The following C12orf42 variants were observed in gnomAD, a reference collection of about 807,000 sequenced individuals.
The protein encoded by C12orf42 is chromosome 12 open reading frame 42, also known as uncharacterized protein C12orf42.
C12orf42 carries 25 observed loss-of-function variants against 21.6 expected under a neutral mutation model. That is an observed-to-expected ratio of 1.16 (90% CI 0.84 to 1.62). The LOEUF is 1.62. Among genes scored for constraint, C12orf42 ranks in the 40% most tolerant of loss-of-function variants. The pLI is 0.00. For missense variants in C12orf42, 483 were observed against 459.3 expected, an observed-to-expected ratio of 1.05 and a Z score of -0.47; for synonymous variants, 174 against 175.0, an observed-to-expected ratio of 0.99 and a Z score of 0.05.
intron 5 of C12orf42, among the ~76,000 whole-genome samples, chr12:103,305,691 G>A (rs977406891): frequency 2.0e-5 from 3 of 152,166 alleles, no homozygotes; most frequent in African/African-American, 7.2e-5. Context: ...CATGGTGAAA[G>A]CTTAATAAGT....
chr12:103,372,460 T>A (rs1180045767), intron 3 of C12orf42, among the ~76,000 whole-genome samples: 1 of 152,068 alleles, frequency 6.6e-6, no homozygotes, highest in Non-Finnish European at 1.5e-5. Flanking sequence ...ATACAAATGA[T>A]CAACTTCTTA....
the C12orf42 span, among the ~76,000 whole-genome samples, chr12:103,506,925 TA>T: frequency 7.0e-5 from 1 of 14,214 alleles, no homozygotes; most frequent in African/African-American, 3.2e-4. Flanking sequence ...ATTTATATAT[TA>T]TATATATATT....
the C12orf42 span, among the ~76,000 whole-genome samples, chr12:103,197,304 C>T: frequency 6.6e-6 from 1 of 152,082 alleles, no homozygotes; most frequent in Middle Eastern, 3.2e-3. Flanking sequence ...TGATAGGGTT[C>T]CCTTGGTGGG....
In C12orf42 at chr12:103,481,101, A is replaced by G. The variant is rs543368599; in HGVS notation, c.-21-2654T>C. On this transcript the variant is annotated intron_variant, in intron 1 of 5. Coordinates refer to ENST00000548883, the MANE Select transcript of C12orf42 (RefSeq NM_198521.5). ...TAGAGTTATATCTTCTTAATAAATC[A>G]TTTTATTATATAGCTTTCTTCTTTA... Among the ~76,000 whole-genome samples the G allele has an allele frequency of 4.6e-5, 7 of 151,914 alleles. No homozygotes were observed. In the South Asian group the frequency reaches 1.4e-3, roughly 31 times the overall value.
chr12:103,062,533 T>C, the C12orf42 span, among the ~76,000 whole-genome samples: 1 of 152,122 alleles, frequency 6.6e-6, no homozygotes, highest in Non-Finnish European at 1.5e-5. Context: ...TTTTAAATAT[T>C]AGGTTGGTGC....
the C12orf42 span, among the ~76,000 whole-genome samples, chr12:103,163,268 T>G: frequency 2.6e-5 from 4 of 152,352 alleles, no homozygotes; most frequent in Middle Eastern, 3.4e-3. Context: ...AAATTGATCC[T>G]GCTTCATAGA....
the C12orf42 span, among the ~76,000 whole-genome samples, chr12:103,051,898 A>C: frequency 6.6e-6 from 1 of 152,118 alleles, no homozygotes; most frequent in Non-Finnish European, 1.5e-5. Context: ...CACTTATTAC[A>C]CTATGACAAA....
the C12orf42 span, among the ~76,000 whole-genome samples, chr12:103,509,099 A>G: frequency 2.6e-5 from 4 of 152,192 alleles, no homozygotes; most frequent in Non-Finnish European, 4.4e-5. Context: ...GTTCAAACCC[A>G]GTCCACCTGA....
chr12:103,058,068 G>T, the C12orf42 span, among the ~76,000 whole-genome samples: 2 of 150,720 alleles, frequency 1.3e-5, no homozygotes, highest in Admixed American at 6.6e-5. Context: ...CTATTCTCCT[G>T]CCTCAGCCTC....
chr12:103,311,393 A>G (rs2038960150), intron 4 of C12orf42, among the ~76,000 whole-genome samples: 1 of 152,046 alleles, frequency 6.6e-6, no homozygotes, highest in South Asian at 2.1e-4. Flanking sequence ...GACTAAGTTG[A>G]TCAGCTGATT....
intron 2 of C12orf42, among the ~76,000 whole-genome samples, chr12:103,448,406 G>T (rs1221435361): frequency 6.6e-6 from 1 of 151,748 alleles, no homozygotes; most frequent in Non-Finnish European, 1.5e-5. Context: ...GACCAAGAAC[G>T]CAAAAGCAAA....
chr12:103,424,343 A>C (rs1949622024), intron 2 of C12orf42, among the ~76,000 whole-genome samples: 1 of 152,264 alleles, frequency 6.6e-6, no homozygotes, highest in South Asian at 2.1e-4. Flanking sequence ...ATCAGCTAAT[A>C]AGAAAATTAC....
intron 1 of C12orf42, among the ~76,000 whole-genome samples, chr12:103,494,990 G>C (rs528353839): frequency 2.6e-5 from 4 of 152,026 alleles, no homozygotes; most frequent in Non-Finnish European, 4.4e-5. Flanking sequence ...GGGGTTGGGG[G>C]GATGTGAGAT....
intron 3 of C12orf42, among the ~76,000 whole-genome samples, chr12:103,388,107 A>G (rs2046766748): frequency 6.6e-6 from 1 of 152,144 alleles, no homozygotes; most frequent in Non-Finnish European, 1.5e-5. Flanking sequence ...TTAAGTGTGC[A>G]CCCTACTCTG....
At chr12:103,184,098 C>G in the C12orf42 span, among the ~76,000 whole-genome samples, 2 of 152,136 alleles carry the variant, frequency 1.3e-5, no homozygotes, top group Non-Finnish European at 2.9e-5. Context: ...GCTTCTATAA[C>G]CAAGCTTATT....
chr12:103,230,940 C>T, the C12orf42 span, among the ~76,000 whole-genome samples: 2 of 152,070 alleles, frequency 1.3e-5, no homozygotes, highest in East Asian at 3.9e-4. Context: ...AGGCTCTGCT[C>T]TAGCTATATC....
chr12:103,411,336 A>C (rs983301247), intron 2 of C12orf42, among the ~76,000 whole-genome samples: 6 of 152,246 alleles, frequency 3.9e-5, no homozygotes, highest in Non-Finnish European at 5.9e-5. Flanking sequence ...TTTATTATGC[A>C]AAACTGTAGC....
chr12:103,048,628 C>T, the C12orf42 span, among the ~76,000 whole-genome samples: 1 of 152,056 alleles, frequency 6.6e-6, no homozygotes, highest in Non-Finnish European at 1.5e-5. Context: ...AAATAAGTCT[C>T]CTGAGGAGTT....
intron 4 of C12orf42, among the ~76,000 whole-genome samples, chr12:103,346,455 A>G (rs774960223): frequency 2.6e-5 from 4 of 152,188 alleles, no homozygotes; most frequent in Non-Finnish European, 5.9e-5. Context: ...GGTATACAAT[A>G]TGAGGTACCA....
Sources: gnomAD v4.1 joint callset for allele counts (sites outside exome capture counted in the v4.1 genomes callset) on GRCh38, gnomAD v4.1.1 for gene constraint, MANE v1.5 for transcripts, NCBI Gene and HGNC (gene_info 2026-07-23, HGNC 2026-07-21) for gene names.